Variants in AIDA observed in about 807,000 individuals in gnomAD.
The protein encoded by AIDA is axin interactor, dorsalization-associated protein.
AIDA carries 18 observed loss-of-function variants against 42.7 expected under a neutral mutation model. The observed-to-expected ratio is 0.42, with a 90% CI of 0.29 to 0.63. AIDA has a LOEUF of 0.63. Ranked by LOEUF, AIDA falls within the 20% of genes least tolerant of loss-of-function variation. AIDA has a pLI of 0.19. For missense variants in AIDA, 250 were observed against 354.1 expected (o/e 0.71, Z 2.36); for synonymous variants, 104 against 122.9 (o/e 0.85, Z 1.02).
chr1:222,695,761 A>T (rs1176473182), intron 2 of AIDA, among the ~76,000 whole-genome samples: 1 of 152,230 alleles, frequency 6.6e-6, no homozygotes, highest in Non-Finnish European at 1.5e-5. Context: ...AGATCATAAA[A>T]GTATTTATGC....
intron 2 of AIDA, among the ~76,000 whole-genome samples, chr1:222,700,754 CAA>C (rs35219178): frequency 9.6e-5 from 9 of 94,228 alleles, no homozygotes; most frequent in African/African-American, 1.1e-4. Context: ...GACTCCGTCT[CAA>C]AAAAAAAAAA....
At chr1:222,700,973 G>A (rs896428058) in intron 2 of AIDA, among the ~76,000 whole-genome samples, 1 of 127,278 alleles carries the variant, frequency 7.9e-6, no homozygotes, top group Non-Finnish European at 1.6e-5. Flanking sequence ...ATTTTTTTTG[G>A]GGGGGGGGGG....
At chr1:222,700,262 C>T (rs74145538) in intron 2 of AIDA, among the ~76,000 whole-genome samples, 1 of 152,078 alleles carries the variant, frequency 6.6e-6, no homozygotes, top group Non-Finnish European at 1.5e-5. Context: ...GTAAAGAAGG[C>T]AGGGCAGAAC....
Position 222,689,580 on chromosome 1 carries a change from T to TAC in AIDA, c.290-1924_290-1923dup, listed in dbSNP as rs528891739. 1.9e-3 allele frequency among the ~76,000 whole-genome samples: 255 copies of TAC among 132,868 alleles called. 2 individuals are homozygous for TAC. The highest frequency in any genetic ancestry group is 0.016 in the South Asian group (66 of 4,224). 87.2% of individuals were successfully genotyped at this position (132,868 alleles called of 152,430 possible). ...ATATGTATATATATGTATATATATA[T>TAC]ACACACACACACACATATATATACA... On this transcript the variant is annotated intron_variant, in intron 4 of 9. Transcript: ENST00000340020.
rs1316601594 is a variant in AIDA, at chr1:222,689,483, A to ATGTG, written c.290-1826_290-1825insCACA. 1.4e-3 allele frequency among the ~76,000 whole-genome samples: 41 copies of ATGTG among 28,858 alleles called. 1 individual carries two copies. Among genetic ancestry groups the ATGTG allele is most frequent in the African/African-American group, 2.3e-3 (25 of 10,698 alleles). The allele number at this position is 28,858 out of a possible 152,430, so 18.9% of individuals were successfully genotyped here. A position where few individuals can be genotyped will look rare whatever the true frequency, so the allele number is the denominator to read the frequency against. ...AGAAAATATGTATGTGTGTGTGTGT[A>ATGTG]TATATATATATATATATATATATAT... On this transcript the variant is annotated intron_variant, in intron 4 of 9. Coordinates refer to ENST00000340020, the MANE Select transcript of AIDA (RefSeq NM_022831.4).
chr1:222,684,066 T>C (rs1194195126), intron 6 of AIDA, among the ~76,000 whole-genome samples: 1 of 152,148 alleles, frequency 6.6e-6, no homozygotes, highest in Non-Finnish European at 1.5e-5. Flanking sequence ...GTGGTTAGTA[T>C]ATGAGTTGGT....
At chr1:222,705,437 G>A (rs971578154) in intron 1 of AIDA, among the ~76,000 whole-genome samples, 1 of 152,178 alleles carries the variant, frequency 6.6e-6, no homozygotes, top group African/African-American at 2.4e-5. Flanking sequence ...AGTGTGGAAT[G>A]AGTTTCTTTG....
In AIDA at chr1:222,673,341, G is replaced by A. The variant is rs113043835; in HGVS notation, c.678C>T (p.Leu226=). ...TGGTTAATTTTTCAACATGCTTCTG[G>A]AGCTCAATGTCCACATTAAAATGAA... The part of the protein sequence containing the change: ...TYVHFNVDIE[L]QKHVEKLTKG... Residue 226 remains leucine, a synonymous_variant, in exon 8 of 10, where the codon CTC becomes CTT. Coordinates refer to ENST00000340020, the MANE Select transcript of AIDA (RefSeq NM_022831.4). The A allele has an allele frequency of 2.6e-3, 4,232 of 1,607,946 alleles. 93 individuals are homozygous for A. In the African/African-American group the frequency reaches 0.05, roughly 19 times the overall value.
intron 6 of AIDA, among the ~76,000 whole-genome samples, chr1:222,686,650 T>C (rs1035159078): frequency 1.3e-5 from 2 of 152,188 alleles, no homozygotes; most frequent in Non-Finnish European, 2.9e-5. Flanking sequence ...TTGTGTTCTC[T>C]TGTAATGAAT....
At chr1:222,683,440 A>T (rs1664688046) in intron 6 of AIDA, among the ~76,000 whole-genome samples, 1 of 152,256 alleles carries the variant, frequency 6.6e-6, no homozygotes, top group South Asian at 2.1e-4. Context: ...GTTATGCAGC[A>T]GAAAACAAAT....
In AIDA at chr1:222,668,126, T is replaced by A. The variant is rs1353258328; in HGVS notation, c.*1767A>T. The A allele has an allele frequency of 1.3e-5, 2 of 152,166 alleles. No homozygotes were observed. The highest frequency in any genetic ancestry group is 1.3e-4 in the Admixed American group (2 of 15,280). 9.4% of individuals were successfully genotyped at this position (152,166 alleles called of 1,614,324 possible). Reference sequence around the variant, plus strand: ...AATTATCATTTTGATATACATATCTTATGGTTTATGAGAAAAGAGAAAAAA... The same window carrying A: ...AATTATCATTTTGATATACATATCTAATGGTTTATGAGAAAAGAGAAAAAA... On this transcript the variant is annotated 3_prime_UTR_variant, in exon 10 of 10. Transcript: ENST00000340020.
At position 222,673,422 on chromosome 1, in the gene AIDA, T is replaced by G. The variant is rs371586101; in HGVS notation, c.597A>C (p.Ile199=). ...ITVSVKDLNG[I]DLTPVQDTPV... The stretch of plus-strand genomic sequence containing the variant: ...GAGTATCTTGCACAGGAGTTAAGTC[T>G]ATGCCATTCAGATCTAAAGAGAAAA... The change falls in exon 8 of 10, where the codon ATA becomes ATC. Residue 199 remains isoleucine (I), a synonymous_variant. Transcript: ENST00000340020. 1 of 1,590,742 alleles carries G rather than the reference T, an allele frequency of 6.3e-7. No individual in the cohort carries two copies.
At chr1:222,711,106 A>C (rs1184311500) in intron 1 of AIDA, among the ~76,000 whole-genome samples, 1 of 97,266 alleles carries the variant, frequency 1.0e-5, no homozygotes. Flanking sequence ...GGGGTGGGGG[A>C]GGCCGGGGGT....
chr1:222,700,110 T>C (rs1438288041), intron 2 of AIDA, among the ~76,000 whole-genome samples: 1 of 152,192 alleles, frequency 6.6e-6, no homozygotes, highest in East Asian at 1.9e-4. Flanking sequence ...CACAATGTAG[T>C]ATACAGTGAT....
At chr1:222,705,651 AGTGG>A (rs1192933709) in intron 1 of AIDA, among the ~76,000 whole-genome samples, 2 of 152,304 alleles carry the variant, frequency 1.3e-5, no homozygotes, top group South Asian at 2.1e-4. Context: ...TGGGAGGCCA[AGTGG>A]GTGGATCACC....
Position 222,670,857 on chromosome 1 carries a change from C to CA in AIDA, c.707-608dup, listed in dbSNP as rs1342994232. Among the ~76,000 whole-genome samples the CA allele has an allele frequency of 5.3e-5, 8 of 152,240 alleles. No individual in the cohort carries two copies. The East Asian group carries it at 1.4e-3, about 26-fold the overall frequency. On this transcript the variant is annotated intron_variant, in intron 8 of 9. Coordinates refer to ENST00000340020, the MANE Select transcript of AIDA (RefSeq NM_022831.4). Reference sequence around the variant, plus strand: ...TGTGTCAAGACAGTGCTGTAGAAGACAAAGGTTCAAAGAGCAAATCTATTT... The same window carrying CA: ...TGTGTCAAGACAGTGCTGTAGAAGACAAAAGGTTCAAAGAGCAAATCTATTT...
chr1:222,693,742 T>C (rs1558213029), intron 4 of AIDA, 47 bp downstream of exon 4: 1 of 1,429,002 alleles, frequency 7.0e-7, no homozygotes, highest in Non-Finnish European at 9.8e-7. Flanking sequence ...CTACAATAGA[T>C]TATTTTTCCA....
At chr1:222,678,351 A>G (rs1664591848) in intron 6 of AIDA, among the ~76,000 whole-genome samples, 2 of 151,694 alleles carry the variant, frequency 1.3e-5, no homozygotes, top group Non-Finnish European at 2.9e-5. Context: ...TTTGATTTTG[A>G]TTATGGTGTT....
intron 6 of AIDA, among the ~76,000 whole-genome samples, chr1:222,681,991 T>C (rs1023980123): frequency 6.6e-6 from 1 of 152,172 alleles, no homozygotes; most frequent in African/African-American, 2.4e-5. Flanking sequence ...CATTGACTAG[T>C]TCTGTGTGTG....
Sources: gnomAD v4.1 joint callset for allele counts (sites outside exome capture counted in the v4.1 genomes callset) on GRCh38, gnomAD v4.1.1 for gene constraint, MANE v1.5 for transcripts, NCBI Gene and HGNC (gene_info 2026-07-23, HGNC 2026-07-21) for gene names.